The following GRIN2A variants were observed in gnomAD, a reference collection of about 807,000 sequenced individuals.
GRIN2A encodes glutamate ionotropic receptor NMDA type subunit 2A.
In GRIN2A, 22 loss-of-function variants were observed where a neutral mutation model predicts 113.4. The observed-to-expected ratio is 0.19, with a 90% CI of 0.14 to 0.28. The LOEUF (loss-of-function observed/expected upper bound fraction) is 0.28. GRIN2A is among the 10% of genes least tolerant of loss of function. The probability of loss-of-function intolerance (pLI) is 1.00; values close to 1 mark genes in which losing one functional copy is unlikely to be tolerated. For synonymous variants in GRIN2A, 827 were observed against 738.4 expected (o/e 1.12, Z -1.94); for missense variants, 1,502 against 1,887.0 (o/e 0.80, Z 3.78).
intron 2 of GRIN2A, among the ~76,000 whole-genome samples, chr16:10,099,485 C>CCA (rs1374155474): frequency 5.3e-5 from 8 of 151,992 alleles, no homozygotes; most frequent in Non-Finnish European, 1.2e-4. Flanking sequence ...CCTTGCACCC[C>CCA]CTTCCTCAGC....
At chr16:9,875,050 G>A (rs1338791564) in intron 4 of GRIN2A, among the ~76,000 whole-genome samples, 1 of 147,380 alleles carries the variant, frequency 6.8e-6, no homozygotes, top group African/African-American at 2.5e-5. Context: ...TCCAGGGAGT[G>A]CAGCGGCATG....
chr16:10,112,247 C>G (rs1172231260), intron 2 of GRIN2A: 1 of 625,786 alleles, frequency 1.6e-6, no homozygotes, highest in Admixed American at 2.2e-5. Flanking sequence ...TGCATTACAT[C>G]AAACAGAAGT....
chr16:10,134,220 G>C (rs62035791), intron 2 of GRIN2A, among the ~76,000 whole-genome samples: 1 of 144,006 alleles, frequency 6.9e-6, no homozygotes, highest in Admixed American at 7.0e-5. Flanking sequence ...AAAAAAAATG[G>C]AGAGGAGAGA....
At chr16:10,147,729 G>C (rs1163972897) in intron 2 of GRIN2A, among the ~76,000 whole-genome samples, 3 of 151,858 alleles carry the variant, frequency 2.0e-5, no homozygotes, top group Non-Finnish European at 1.5e-5. Context: ...TACAAGCATA[G>C]CTTCTACCTT....
At chr16:10,113,791 G>T (rs1243738777) in intron 2 of GRIN2A, among the ~76,000 whole-genome samples, 11 of 152,178 alleles carry the variant, frequency 7.2e-5, no homozygotes, top group Non-Finnish European at 1.5e-4. Context: ...TGCCATTATT[G>T]TTTAATATGT....
rs548919673 is a variant in GRIN2A, at chr16:9,783,278, G to A, written c.2357-14189C>T. On this transcript the variant is annotated intron_variant, in intron 11 of 12. Coordinates refer to ENST00000330684, the MANE Select transcript of GRIN2A (RefSeq NM_001134407.3). The stretch of plus-strand genomic sequence containing the variant: ...GTTTCACATGAGACCCCGTCTACAC[G>A]TATAAGGAATCAGGATAGCCATTGC... Among the ~76,000 whole-genome samples the A allele has an allele frequency of 1.8e-3, 273 of 152,316 alleles. 1 individual carries two copies. The highest frequency in any genetic ancestry group is 6.2e-3 in the African/African-American group (259 of 41,570).
intron 2 of GRIN2A, among the ~76,000 whole-genome samples, chr16:10,019,887 T>C (rs908530420): frequency 6.6e-6 from 1 of 152,246 alleles, no homozygotes; most frequent in African/African-American, 2.4e-5. Flanking sequence ...TATCATATTA[T>C]ACACTTGAAA....
chr16:10,005,362 T>C (rs2141852568), intron 2 of GRIN2A, among the ~76,000 whole-genome samples: 1 of 152,332 alleles, frequency 6.6e-6, no homozygotes, highest in East Asian at 1.9e-4. Flanking sequence ...GCTTGTGCAA[T>C]TCCACAAACT....
At chr16:9,948,621 G>T (rs1157045629) in intron 2 of GRIN2A, among the ~76,000 whole-genome samples, 1 of 152,162 alleles carries the variant, frequency 6.6e-6, no homozygotes, top group Non-Finnish European at 1.5e-5. Flanking sequence ...TATATCACAG[G>T]TATGTCATGC....
chr16:10,093,001 G>C (rs1052183831), intron 2 of GRIN2A, among the ~76,000 whole-genome samples: 10 of 151,848 alleles, frequency 6.6e-5, no homozygotes, highest in African/African-American at 2.4e-4. Context: ...ACCATGCCTG[G>C]CTAATTTTTT....
chr16:10,055,987 C>G (rs1347641447), intron 2 of GRIN2A, among the ~76,000 whole-genome samples: 3 of 152,162 alleles, frequency 2.0e-5, no homozygotes, highest in Non-Finnish European at 4.4e-5. Context: ...GAGACAGCTC[C>G]AGGCTGGATA....
At chr16:9,770,105 T>G (rs1228689875) in intron 11 of GRIN2A, among the ~76,000 whole-genome samples, 2 of 152,230 alleles carry the variant, frequency 1.3e-5, no homozygotes, top group Non-Finnish European at 2.9e-5. Flanking sequence ...TGTTGCCATT[T>G]AGGAGAAAAT....
chr16:10,013,169 G>A (rs1433159371), intron 2 of GRIN2A, among the ~76,000 whole-genome samples: 2 of 152,032 alleles, frequency 1.3e-5, no homozygotes, highest in African/African-American at 4.8e-5. Flanking sequence ...TCAAAAATCT[G>A]GATTTTAAAA....
At chr16:9,911,997 A>G (rs2044149770) in intron 3 of GRIN2A, among the ~76,000 whole-genome samples, 1 of 152,122 alleles carries the variant, frequency 6.6e-6, no homozygotes. Context: ...TAATATCCCT[A>G]CCTCATAGTG....
intron 10 of GRIN2A, among the ~76,000 whole-genome samples, chr16:9,799,003 A>G (rs1469387968): frequency 6.6e-6 from 1 of 152,274 alleles, no homozygotes; most frequent in African/African-American, 2.4e-5. Context: ...GCTACCTATA[A>G]TTCTATAACT....
intron 2 of GRIN2A, among the ~76,000 whole-genome samples, chr16:10,043,611 C>A (rs76716732): frequency 6.6e-6 from 1 of 152,090 alleles, no homozygotes; most frequent in Non-Finnish European, 1.5e-5. Context: ...GCTTCTGCAA[C>A]CATTCTAGCC....
At chr16:10,133,549 G>T (rs1447470583) in intron 2 of GRIN2A, among the ~76,000 whole-genome samples, 2 of 152,222 alleles carry the variant, frequency 1.3e-5, no homozygotes, top group Non-Finnish European at 2.9e-5. Context: ...GGAGGTTGCA[G>T]TGAGCCAATA....
At chr16:9,910,614 T>C (rs1278082856) in intron 3 of GRIN2A, among the ~76,000 whole-genome samples, 2 of 147,508 alleles carry the variant, frequency 1.4e-5, no homozygotes, top group Non-Finnish European at 3.0e-5. Context: ...CTCGGCTCAC[T>C]GCAACCTCTG....
At chr16:9,991,422 T>A (rs545252663) in intron 2 of GRIN2A, among the ~76,000 whole-genome samples, 1 of 152,326 alleles carries the variant, frequency 6.6e-6, no homozygotes, top group East Asian at 1.9e-4. Flanking sequence ...AAAAATAGAT[T>A]TAAGGGATAC....
Sources: allele counts gnomAD v4.1 joint callset (sites outside exome capture counted in the v4.1 genomes callset), GRCh38; gene constraint gnomAD v4.1.1; transcripts MANE v1.5; gene names NCBI Gene and HGNC (gene_info 2026-07-23, HGNC 2026-07-21).